Variants in DPYD observed in about 807,000 individuals in gnomAD.
DPYD encodes the protein dihydropyrimidine dehydrogenase [NADP(+)].
DPYD carries 109 observed loss-of-function variants against 116.2 expected under a neutral mutation model. The observed-to-expected ratio is 0.94, with a 90% CI of 0.80 to 1.10. The LOEUF (loss-of-function observed/expected upper bound fraction) is 1.10. Among genes scored for constraint, DPYD ranks in the 50% least tolerant of loss-of-function variants. The probability of loss-of-function intolerance (pLI) is 0.00; values close to 1 mark genes in which losing one functional copy is unlikely to be tolerated. For synonymous variants in DPYD, 440 were observed against 432.0 expected, an observed-to-expected ratio of 1.02 and a Z score of -0.23; for missense variants, 1,302 against 1,254.5, an observed-to-expected ratio of 1.04 and a Z score of -0.57.
intron 20 of DPYD, among the ~76,000 whole-genome samples, chr1:97,158,858 T>C (rs138420916): frequency 9.3e-4 from 142 of 152,214 alleles, no homozygotes; most frequent in African/African-American, 3.3e-3. Context: ...ACAGCTAAGA[T>C]TGAAATAACT....
At chr1:97,407,624 A>C (rs1476579406) in intron 14 of DPYD, among the ~76,000 whole-genome samples, 1 of 152,152 alleles carries the variant, frequency 6.6e-6, no homozygotes, top group Non-Finnish European at 1.5e-5. Flanking sequence ...AAAGCTTTAC[A>C]GGGCTGGGGC....
intron 14 of DPYD, among the ~76,000 whole-genome samples, chr1:97,447,307 G>A (rs1676142511): frequency 6.6e-6 from 1 of 152,312 alleles, no homozygotes; most frequent in East Asian, 1.9e-4. Flanking sequence ...CAGCAAGAGT[G>A]ATAATTAAAC....
chr1:97,721,702 T>G, intron 4 of DPYD, 31 bp from the exon 5 acceptor site: 1 of 1,593,990 alleles, frequency 6.3e-7, no homozygotes, highest in South Asian at 1.1e-5. Context: ...AAAATTTTAC[T>G]ACTTAAAAAT....
intron 1 of DPYD, among the ~76,000 whole-genome samples, chr1:97,897,106 T>C (rs958626528): frequency 6.6e-5 from 10 of 152,048 alleles, no homozygotes; most frequent in African/African-American, 2.4e-4. Flanking sequence ...TGCTTATAAA[T>C]GTTTGCAACT....
chr1:97,560,512 T>C (rs1264697904), intron 11 of DPYD, among the ~76,000 whole-genome samples: 1 of 135,250 alleles, frequency 7.4e-6, no homozygotes, highest in Admixed American at 7.6e-5. Context: ...TAATTTTTAA[T>C]AGGAAAAAAA....
At chr1:97,799,304 T>G (rs977778509) in intron 3 of DPYD, among the ~76,000 whole-genome samples, 1 of 151,966 alleles carries the variant, frequency 6.6e-6, no homozygotes, top group Admixed American at 6.6e-5. Context: ...CAAGTTACCA[T>G]GAAGTTTATT....
intron 1 of DPYD, among the ~76,000 whole-genome samples, chr1:97,893,185 G>A (rs565485943): frequency 2.7e-4 from 41 of 151,074 alleles, no homozygotes; most frequent in African/African-American, 9.4e-4. Context: ...TTAAGTACAG[G>A]AATATAGAAA....
intron 19 of DPYD, among the ~76,000 whole-genome samples, chr1:97,232,456 G>T (rs549530645): frequency 6.6e-6 from 1 of 152,044 alleles, no homozygotes; most frequent in Non-Finnish European, 1.5e-5. Flanking sequence ...GCAAAAATTG[G>T]AATATTTTTA....
At chr1:97,195,642 A>G (rs1462914175) in intron 19 of DPYD, among the ~76,000 whole-genome samples, 512 of 5,464 alleles carry the variant, frequency 0.094, 16 homozygotes, top group African/African-American at 0.17. Context: ...GTGTATATAT[A>G]TATATATATA....
At chr1:97,226,932 A>G (rs1661206821) in intron 19 of DPYD, among the ~76,000 whole-genome samples, 1 of 152,210 alleles carries the variant, frequency 6.6e-6, no homozygotes, top group South Asian at 2.1e-4. Flanking sequence ...ATCTTGTCAA[A>G]GCATGTTACA....
intron 14 of DPYD, among the ~76,000 whole-genome samples, chr1:97,426,381 C>A (rs935941500): frequency 2.0e-5 from 3 of 151,914 alleles, no homozygotes; most frequent in Admixed American, 6.6e-5. Context: ...ATGCTGACAG[C>A]AGACAAAGAT....
intron 1 of DPYD, among the ~76,000 whole-genome samples, chr1:97,918,095 C>A (rs1674315614): frequency 6.6e-6 from 1 of 152,122 alleles, no homozygotes; most frequent in Non-Finnish European, 1.5e-5. Context: ...ACTCACAAAG[C>A]AAAATAACTT....
rs138199101 is a variant in DPYD, at chr1:97,757,085, G to C, written c.234-16606C>G. Among the ~76,000 whole-genome samples the C allele has an allele frequency of 3.0e-3, 459 of 152,108 alleles. 5 individuals carry two copies. Among genetic ancestry groups the C allele is most frequent in the Non-Finnish European group, 5.5e-3 (371 of 67,994 alleles). On this transcript the variant is annotated intron_variant, in intron 3 of 22. Transcript: ENST00000370192. ...AACTGTATCCCCAAATATCCTGATAGGTCTCAAGAGGACATTCATTCATTC... is the reference window on the plus strand; with the variant it reads ...AACTGTATCCCCAAATATCCTGATACGTCTCAAGAGGACATTCATTCATTC...
At chr1:97,468,211 A>T (rs534144839) in intron 13 of DPYD, among the ~76,000 whole-genome samples, 7 of 152,344 alleles carry the variant, frequency 4.6e-5, no homozygotes, top group South Asian at 2.1e-4. Context: ...TCTTACTGCT[A>T]CTTACATTAA....
chr1:97,765,697 T>A (rs1214607275), intron 3 of DPYD, among the ~76,000 whole-genome samples: 4 of 152,186 alleles, frequency 2.6e-5, no homozygotes, highest in Non-Finnish European at 5.9e-5. Flanking sequence ...ATGCACGTTG[T>A]TCTAGGCCAC....
intron 20 of DPYD, among the ~76,000 whole-genome samples, chr1:97,181,897 A>G (rs1657673220): frequency 6.6e-6 from 1 of 152,080 alleles, no homozygotes; most frequent in East Asian, 1.9e-4. Flanking sequence ...TTTTTATCAC[A>G]GAAGACTTCT....
At chr1:97,144,176 T>C (rs1654440924) in intron 20 of DPYD, among the ~76,000 whole-genome samples, 1 of 152,194 alleles carries the variant, frequency 6.6e-6, no homozygotes, top group Non-Finnish European at 1.5e-5. Context: ...AGACAACAAA[T>C]GGGTACGCTT....
intron 7 of DPYD, 113 bp from the exon 8 acceptor site, chr1:97,679,295 T>A: frequency 1.7e-6 from 1 of 595,914 alleles, no homozygotes; most frequent in Admixed American, 2.8e-5. Flanking sequence ...AGATTCCATA[T>A]AAAATGTGAC....
chr1:97,158,075 G>A (rs1439647582), intron 20 of DPYD, among the ~76,000 whole-genome samples: 1 of 152,054 alleles, frequency 6.6e-6, no homozygotes, highest in Non-Finnish European at 1.5e-5. Flanking sequence ...ACCCTGAAAA[G>A]TACACTGATA....
Sources: gnomAD v4.1 joint callset for allele counts (sites outside exome capture counted in the v4.1 genomes callset) on GRCh38, gnomAD v4.1.1 for gene constraint, MANE v1.5 for transcripts, NCBI Gene and HGNC (gene_info 2026-07-23, HGNC 2026-07-21) for gene names.